SFXN1: variants seen among roughly 807,000 people sequenced by gnomAD.
SFXN1 encodes the protein sideroflexin-1.
Under a neutral mutation model 39.5 loss-of-function variants are expected in SFXN1, and 32 were observed. That is an observed-to-expected ratio of 0.81 (90% CI 0.61 to 1.09). The LOEUF (loss-of-function observed/expected upper bound fraction) is 1.09, where lower values mean the gene tolerates loss of function less well. Among genes scored for constraint, SFXN1 ranks in the 50% least tolerant of loss-of-function variants. The probability of loss-of-function intolerance (pLI) is 0.00; values close to 1 mark genes in which losing one functional copy is unlikely to be tolerated. For synonymous variants in SFXN1, 136 were observed against 146.5 expected (o/e 0.93, Z 0.52); for missense variants, 402 against 407.1 (o/e 0.99, Z 0.11).
chr5:175,521,971 G>A lies in SFXN1; in HGVS notation c.824+3G>A, dbSNP rs1317420446. 1 of 1,598,654 alleles carries A rather than the reference G, an allele frequency of 6.3e-7. No individual in the cohort carries two copies. The highest frequency in any genetic ancestry group is 8.6e-7 in the Non-Finnish European group (1 of 1,169,270). On this transcript the variant is annotated splice_donor_region_variant and intron_variant, in intron 9 of 10. Transcript: ENST00000321442. The stretch of plus-strand genomic sequence containing the variant: ...CAAGTTGGGTTAGTTGGCTTCTGGT[G>A]AGTAGAAATTACTTTTACATAATTA...
intron 2 of SFXN1, among the ~76,000 whole-genome samples, chr5:175,503,993 C>T (rs67609070): frequency 0.18 from 21,844 of 120,346 alleles, 1,836 homozygotes; most frequent in South Asian, 0.39. Context: ...ACAAGAGTGA[C>T]ACTCCATCTC....
chr5:175,513,081 A>G (rs566836682), intron 6 of SFXN1, among the ~76,000 whole-genome samples: 6 of 152,198 alleles, frequency 3.9e-5, no homozygotes, highest in African/African-American at 1.4e-4. Context: ...CGAGTGGATC[A>G]CCTGAGGTCA....
chr5:175,480,195 A>G (rs1049858926), intron 1 of SFXN1, among the ~76,000 whole-genome samples: 1 of 152,082 alleles, frequency 6.6e-6, no homozygotes, highest in Non-Finnish European at 1.5e-5. Flanking sequence ...AGGTCAGGAG[A>G]TCAAGACCAT....
intron 1 of SFXN1, among the ~76,000 whole-genome samples, 194 bp downstream of exon 1, chr5:175,478,833 G>A (rs1759123023): frequency 6.6e-6 from 1 of 152,080 alleles, no homozygotes; most frequent in African/African-American, 2.4e-5. Flanking sequence ...TGCACCTGGG[G>A]ATCCCTGGCA....
At chr5:175,484,420 C>G (rs2644658) in intron 1 of SFXN1, among the ~76,000 whole-genome samples, 98,701 of 152,142 alleles carry the variant, frequency 0.65, 32,514 homozygotes, top group African/African-American at 0.73. Flanking sequence ...ACCCGGCCCT[C>G]CTGACCCGTC....
chr5:175,487,662 A>G (rs555842998), intron 1 of SFXN1, among the ~76,000 whole-genome samples: 215 of 152,134 alleles, frequency 1.4e-3, no homozygotes, highest in African/African-American at 4.7e-3. Flanking sequence ...ATGACTTTAA[A>G]TATAATCTCT....
intron 6 of SFXN1, 143 bp from the exon 7 acceptor site, chr5:175,513,320 A>C (rs75624721): frequency 8.4e-6 from 6 of 718,016 alleles, no homozygotes; most frequent in East Asian, 3.4e-5. Flanking sequence ...AAAAAAAAAA[A>C]AAAACAGATG....
intron 2 of SFXN1, among the ~76,000 whole-genome samples, chr5:175,502,075 T>A (rs1275742072): frequency 6.6e-6 from 1 of 152,198 alleles, no homozygotes; most frequent in East Asian, 1.9e-4. Flanking sequence ...GGTTTTTTAA[T>A]GTCTTCTCTT....
At chr5:175,483,973 G>A (rs1283673900) in intron 1 of SFXN1, 1 of 152,392 alleles carries the variant, frequency 6.6e-6, no homozygotes, top group Non-Finnish European at 1.5e-5. Context: ...CCCGTGTAGT[G>A]TGTCCCTCTG....
chr5:175,481,671 C>A (rs1045485353), intron 1 of SFXN1, among the ~76,000 whole-genome samples: 3 of 152,176 alleles, frequency 2.0e-5, no homozygotes, highest in Non-Finnish European at 2.9e-5. Context: ...GAGAACATGG[C>A]AGTGGGAAAG....
Position 175,515,323 on chromosome 5 carries a change from T to C in SFXN1, c.725-1291T>C, listed in dbSNP as rs139620294. Among the ~76,000 whole-genome samples the C allele has an allele frequency of 8.3e-4, 127 of 152,328 alleles. 2 individuals carry two copies. The East Asian group carries it at 0.023, about 28-fold the overall frequency. ...TGTCCGGCCCTGGGTTTGCTTTTGA[T>C]TGTGGTCTTTTCTGTTTTGAATTGC... is the stretch of plus-strand genomic sequence containing the variant. On this transcript the variant is annotated intron_variant, in intron 7 of 10. Coordinates refer to ENST00000321442, the MANE Select transcript of SFXN1 (RefSeq NM_022754.7).
At chr5:175,510,289 G>A in intron 4 of SFXN1, 82 bp downstream of exon 4, 1 of 1,080,904 alleles carries the variant, frequency 9.3e-7, no homozygotes, top group Admixed American at 2.0e-5. Context: ...GTTTAAAAAA[G>A]CCTATGTGTG....
chr5:175,505,704 T>A (rs545395852), intron 2 of SFXN1, among the ~76,000 whole-genome samples: 1 of 152,250 alleles, frequency 6.6e-6, no homozygotes, highest in African/African-American at 2.4e-5. Flanking sequence ...GGTATTGGCA[T>A]CAGAATATGT....
At chr5:175,491,907 C>G in intron 1 of SFXN1, 188 bp from the exon 2 acceptor site, 1 of 463,130 alleles carries the variant, frequency 2.2e-6, no homozygotes, top group Non-Finnish European at 3.8e-6. Context: ...TAGTTAAGAT[C>G]AATTGAGATT....
At chr5:175,486,882 G>A (rs1381280662) in intron 1 of SFXN1, among the ~76,000 whole-genome samples, 1 of 152,152 alleles carries the variant, frequency 6.6e-6, no homozygotes, top group East Asian at 1.9e-4. Flanking sequence ...GGGATAGTTT[G>A]TTATTAGGAA....
chr5:175,481,353 G>A (rs1447601710), intron 1 of SFXN1, among the ~76,000 whole-genome samples: 16 of 152,216 alleles, frequency 1.1e-4, no homozygotes, highest in African/African-American at 2.4e-4. Context: ...ATGGAGTCTC[G>A]CTCTGTTGCC....
At chr5:175,524,524 A>G (rs996590667) in intron 10 of SFXN1, among the ~76,000 whole-genome samples, 5 of 152,058 alleles carry the variant, frequency 3.3e-5, no homozygotes, top group African/African-American at 1.2e-4. Flanking sequence ...CATTTTTGAG[A>G]AGCAGCAAAT....
At chr5:175,502,134 G>A (rs1171540493) in intron 2 of SFXN1, among the ~76,000 whole-genome samples, 1 of 152,130 alleles carries the variant, frequency 6.6e-6, no homozygotes, top group Non-Finnish European at 1.5e-5. Context: ...GGTCTGGATG[G>A]TGTCAGCTGA....
rs141348329 is a variant in SFXN1 at position 175,518,050 on chromosome 5, C to T, written c.774+1387C>T. Among the ~76,000 whole-genome samples, 95 of 152,232 alleles carry T rather than the reference C, an allele frequency of 6.2e-4. No individual in the cohort carries two copies. The East Asian group carries it at 0.015, about 24-fold the overall frequency. ...TCCATCCCCCTACGCCTTATCTCTCCCCAAGTGGAGAGCTGGAAAAAACAC... is the reference window on the plus strand; with the variant it reads ...TCCATCCCCCTACGCCTTATCTCTCTCCAAGTGGAGAGCTGGAAAAAACAC... On this transcript the variant is annotated intron_variant, in intron 8 of 10. Coordinates refer to ENST00000321442, the MANE Select transcript of SFXN1 (RefSeq NM_022754.7).
Sources: gnomAD v4.1 joint callset for allele counts (sites outside exome capture counted in the v4.1 genomes callset) on GRCh38, gnomAD v4.1.1 for gene constraint, MANE v1.5 for transcripts, NCBI Gene and HGNC (gene_info 2026-07-23, HGNC 2026-07-21) for gene names.